The following RPIA variants were observed in gnomAD, a reference collection of about 807,000 sequenced individuals.
RPIA encodes ribose-5-phosphate isomerase.
Under a neutral mutation model 37.8 loss-of-function variants are expected in RPIA, and 29 were observed. The observed-to-expected ratio is 0.77, with a 90% CI of 0.57 to 1.05. The LOEUF (loss-of-function observed/expected upper bound fraction) is 1.05, where lower values mean the gene tolerates loss of function less well. Among genes scored for constraint, RPIA ranks in the 50% least tolerant of loss-of-function variants. The pLI is 0.00. For missense variants in RPIA, 385 were observed against 413.6 expected (o/e 0.93, Z 0.60); for synonymous variants, 167 against 157.0 (o/e 1.06, Z -0.48).
chr2:88,722,933 A>G (rs1256676499), intron 3 of RPIA, among the ~76,000 whole-genome samples: 2 of 152,260 alleles, frequency 1.3e-5, no homozygotes, highest in African/African-American at 2.4e-5. Context: ...AGAGAAGTAA[A>G]TGAAAGAACA....
intron 3 of RPIA, among the ~76,000 whole-genome samples, chr2:88,720,716 C>T (rs1032270487): frequency 1.3e-5 from 2 of 151,896 alleles, no homozygotes; most frequent in African/African-American, 4.8e-5. Flanking sequence ...CAGGAAACAA[C>T]AGATGCTGGA....
chr2:88,704,793 A>G (rs1038271107), intron 3 of RPIA, among the ~76,000 whole-genome samples: 6 of 152,238 alleles, frequency 3.9e-5, no homozygotes, highest in African/African-American at 1.4e-4. Context: ...CTGTTTGCAG[A>G]TGACATGATT....
At chr2:88,727,102 C>T (rs553242469) in intron 3 of RPIA, among the ~76,000 whole-genome samples, 4 of 151,926 alleles carry the variant, frequency 2.6e-5, no homozygotes, top group South Asian at 2.1e-4. Context: ...TGTGTGCGCG[C>T]GCATGTGTGC....
In RPIA at chr2:88,738,158, A is replaced by G. The variant is rs373151536; in HGVS notation, c.838+82A>G. The G allele has an allele frequency of 8.5e-5, 84 of 986,716 alleles. No individual in the cohort carries two copies. In the East Asian group the frequency reaches 1.2e-3, roughly 14 times the overall value. 61.1% of individuals were successfully genotyped at this position (986,716 alleles called of 1,614,324 possible). ...CCTACATCTGGCCACAGAAGGCACA[A>G]TGGACATGGGCTTTGTAAGGCTTGG... is the stretch of plus-strand genomic sequence containing the variant. On this transcript the variant is annotated intron_variant, in intron 8 of 8. Coordinates refer to ENST00000283646, the MANE Select transcript of RPIA (RefSeq NM_144563.3).
chr2:88,739,629 A>G (rs1298649846), intron 8 of RPIA, among the ~76,000 whole-genome samples: 2 of 152,038 alleles, frequency 1.3e-5, no homozygotes, highest in African/African-American at 4.8e-5. Flanking sequence ...TTATTTATTA[A>G]TTTTTTGAGA....
At chr2:88,720,260 TC>T (rs943445529) in intron 3 of RPIA, among the ~76,000 whole-genome samples, 6 of 151,312 alleles carry the variant, frequency 4.0e-5, no homozygotes, top group Non-Finnish European at 7.4e-5. Context: ...CAGTTTTTTT[TC>T]GTAAGCAAAT....
At chr2:88,701,800 C>G (rs766404476) in intron 3 of RPIA, among the ~76,000 whole-genome samples, 1 of 152,276 alleles carries the variant, frequency 6.6e-6, no homozygotes, top group Middle Eastern at 3.4e-3. Flanking sequence ...AGAGGACCAC[C>G]CTTACATACA....
intron 1 of RPIA, among the ~76,000 whole-genome samples, chr2:88,693,308 G>A (rs113013218): frequency 8.5e-4 from 129 of 152,304 alleles, no homozygotes; most frequent in African/African-American, 3.0e-3. Flanking sequence ...AAATCTGCAA[G>A]CCCTGACCTT....
intron 3 of RPIA, among the ~76,000 whole-genome samples, chr2:88,710,397 GGGA>G (rs1436941710): frequency 1.3e-5 from 2 of 152,178 alleles, no homozygotes; most frequent in East Asian, 3.9e-4. Context: ...GCAGTTGGAG[GGGA>G]GGAGGTGAGA....
intron 3 of RPIA, among the ~76,000 whole-genome samples, chr2:88,727,091 G>GTGTGTGCGCGCGCA (rs1184811944): frequency 2.0e-5 from 3 of 152,106 alleles, no homozygotes; most frequent in Non-Finnish European, 4.4e-5. Flanking sequence ...GTGCGTGTGT[G>GTGTGTGCGCGCGCA]TGTGTGCGCG....
intron 1 of RPIA, among the ~76,000 whole-genome samples, chr2:88,696,984 G>T (rs1672755906): frequency 6.6e-6 from 1 of 152,162 alleles, no homozygotes; most frequent in South Asian, 2.1e-4. Context: ...TCAACTGTAA[G>T]CTCATATGTA....
At chr2:88,724,056 A>G (rs1363857038) in intron 3 of RPIA, among the ~76,000 whole-genome samples, 3 of 152,124 alleles carry the variant, frequency 2.0e-5, no homozygotes, top group African/African-American at 4.8e-5. Context: ...AGAATGGGAG[A>G]CAGGTTTGCC....
At chr2:88,706,745 A>G (rs1573463204) in intron 3 of RPIA, among the ~76,000 whole-genome samples, 1 of 152,194 alleles carries the variant, frequency 6.6e-6, no homozygotes, top group East Asian at 1.9e-4. Context: ...ATATGATTTC[A>G]GGATTCCAAA....
chr2:88,713,074 T>C (rs1672978807), intron 3 of RPIA, among the ~76,000 whole-genome samples: 1 of 142,676 alleles, frequency 7.0e-6, no homozygotes, highest in Non-Finnish European at 1.5e-5. Context: ...TTTCACTATG[T>C]TGGCCATGAC....
intron 3 of RPIA, among the ~76,000 whole-genome samples, chr2:88,726,224 T>C (rs916450106): frequency 2.0e-5 from 3 of 152,076 alleles, no homozygotes; most frequent in Admixed American, 1.3e-4. Context: ...GGTGGGCGGC[T>C]GGTGGTTGTG....
intron 3 of RPIA, among the ~76,000 whole-genome samples, chr2:88,713,573 T>C (rs1194380411): frequency 6.6e-6 from 1 of 152,238 alleles, no homozygotes; most frequent in Non-Finnish European, 1.5e-5. Flanking sequence ...CCATGATGTG[T>C]CTCTTGGTAT....
intron 8 of RPIA, among the ~76,000 whole-genome samples, chr2:88,743,937 G>A (rs1217297750): frequency 6.6e-6 from 1 of 151,910 alleles, no homozygotes; most frequent in African/African-American, 2.4e-5. Flanking sequence ...ATGGTCTATC[G>A]ATTTTATCTT....
intron 3 of RPIA, among the ~76,000 whole-genome samples, chr2:88,717,757 G>A (rs1042058399): frequency 6.6e-6 from 1 of 152,136 alleles, no homozygotes; most frequent in African/African-American, 2.4e-5. Context: ...ATCTCTCATG[G>A]CTAGGATTGT....
At chr2:88,747,181 G>A (rs1041592424) in intron 8 of RPIA, among the ~76,000 whole-genome samples, 6 of 152,110 alleles carry the variant, frequency 3.9e-5, no homozygotes, top group African/African-American at 1.2e-4. Context: ...ATGTTCCCAG[G>A]GGGATTATGG....
Sources: gnomAD v4.1 joint callset for allele counts (sites outside exome capture counted in the v4.1 genomes callset) on GRCh38, gnomAD v4.1.1 for gene constraint, MANE v1.5 for transcripts, NCBI Gene and HGNC (gene_info 2026-07-23, HGNC 2026-07-21) for gene names.